FRMD6: variants seen among roughly 807,000 people sequenced by gnomAD.
FRMD6 encodes the protein FERM domain-containing protein 6.
In FRMD6, 37 loss-of-function variants were observed where a neutral mutation model predicts 73.2. The ratio of observed to expected loss-of-function variants is 0.51; its 90% confidence interval spans 0.39 to 0.66. The LOEUF (loss-of-function observed/expected upper bound fraction) is 0.66, where lower values mean the gene tolerates loss of function less well. FRMD6 is among the 30% of genes least tolerant of loss of function. The probability of loss-of-function intolerance (pLI) is 0.00; values close to 1 mark genes in which losing one functional copy is unlikely to be tolerated. For missense variants in FRMD6, 714 were observed against 780.5 expected (o/e 0.91, Z 1.02); for synonymous variants, 273 against 282.2 (o/e 0.97, Z 0.33).
intron 1 of FRMD6, among the ~76,000 whole-genome samples, chr14:51,496,825 T>A (rs770998061): frequency 7.2e-5 from 11 of 152,354 alleles, no homozygotes; most frequent in Non-Finnish European, 1.5e-4. Context: ...AGTCTCATCT[T>A]TATGTGTGTC....
chr14:51,597,009 AT>A (rs1889755194), intron 2 of FRMD6, among the ~76,000 whole-genome samples: 2 of 152,362 alleles, frequency 1.3e-5, no homozygotes, highest in South Asian at 4.1e-4. Flanking sequence ...TTTTATAAAT[AT>A]GCAATTTTAT....
At chr14:51,629,034 G>A (rs1007849000) in intron 2 of FRMD6, among the ~76,000 whole-genome samples, 8 of 151,514 alleles carry the variant, frequency 5.3e-5, no homozygotes, top group Admixed American at 1.3e-4. Context: ...CCGCCACCAC[G>A]CCCGGCTAAT....
At chr14:51,465,608 C>T in the FRMD6 span, among the ~76,000 whole-genome samples, 4 of 152,322 alleles carry the variant, frequency 2.6e-5, no homozygotes, top group African/African-American at 9.6e-5. Context: ...CATTGAGTAT[C>T]ATCCATGGTG....
In FRMD6 at chr14:51,646,707, G is replaced by A. The variant is rs75893062; in HGVS notation, c.-146-42984G>A. Among the ~76,000 whole-genome samples the A allele has an allele frequency of 4.9e-3, 733 of 150,710 alleles. 6 individuals carry two copies. The highest frequency in any genetic ancestry group is 0.017 in the African/African-American group (684 of 41,032). The stretch of plus-strand genomic sequence containing the variant: ...AATCCACCCTTTGTCCTGCCCTTCT[G>A]CTTGACATTTTTCTGTACTAGAGCT... On this transcript the variant is annotated intron_variant, in intron 2 of 14. Coordinates refer to the FRMD6 transcript ENST00000356218.
chr14:51,417,767 C>T, the FRMD6 span, among the ~76,000 whole-genome samples: 1 of 152,200 alleles, frequency 6.6e-6, no homozygotes, highest in African/African-American at 2.4e-5. Context: ...GTTCCATTCT[C>T]CCTGTCGCTT....
intron 1 of FRMD6, among the ~76,000 whole-genome samples, chr14:51,520,079 C>A (rs1884861051): frequency 6.6e-6 from 1 of 151,998 alleles, no homozygotes; most frequent in South Asian, 2.1e-4. Flanking sequence ...ATATATATGT[C>A]AAAAAATTTG....
intron 1 of FRMD6, among the ~76,000 whole-genome samples, chr14:51,680,443 C>T (rs987453384): frequency 3.3e-5 from 5 of 152,120 alleles, no homozygotes; most frequent in African/African-American, 4.8e-5. Context: ...ATTGTTTCTA[C>T]GCTATTAATT....
the FRMD6 span, among the ~76,000 whole-genome samples, chr14:51,479,573 C>T: frequency 4.2e-4 from 64 of 152,208 alleles, no homozygotes; most frequent in African/African-American, 1.5e-3. Flanking sequence ...TCTTCATCTG[C>T]AAAACAGGAA....
At position 51,698,171 on chromosome 14, in the gene FRMD6, C is replaced by T; in HGVS notation, c.129C>T (p.Val43=). ...AGATTCTGTGTCACCAGTTGCTGGTCCAGGTTTGTGACCTGCTCAGGCTAA... is the reference window on the plus strand; with the variant it reads ...AGATTCTGTGTCACCAGTTGCTGGTTCAGGTTTGTGACCTGCTCAGGCTAA... ...NVKILCHQLL[V]QVCDLLRLKD... Residue 43 remains valine, a synonymous_variant, in exon 3 of 14, where the codon GTC becomes GTT. Transcript: ENST00000344768. 1.2e-6 allele frequency: 2 copies of T among 1,612,414 alleles called. No individual in the cohort carries two copies. The highest frequency in any genetic ancestry group is 1.7e-6 in the Non-Finnish European group (2 of 1,178,890).
intron 2 of FRMD6, among the ~76,000 whole-genome samples, chr14:51,587,447 G>T (rs148672542): frequency 6.6e-6 from 1 of 152,330 alleles, no homozygotes; most frequent in African/African-American, 2.4e-5. Flanking sequence ...GGCCGCGGTG[G>T]CTGGTGCGAA....
upstream of FRMD6, among the ~76,000 whole-genome samples, chr14:51,485,105 A>G (rs1882737738): frequency 6.6e-6 from 1 of 152,220 alleles, no homozygotes; most frequent in Non-Finnish European, 1.5e-5. Flanking sequence ...ACCAAGCTCA[A>G]AAGTGTCTGT....
At chr14:51,673,550 T>C (rs1386016115) in intron 1 of FRMD6, among the ~76,000 whole-genome samples, 1 of 152,214 alleles carries the variant, frequency 6.6e-6, no homozygotes, top group African/African-American at 2.4e-5. Context: ...TTTCCTTCAG[T>C]GTCTAAAAAC....
the FRMD6 span, among the ~76,000 whole-genome samples, chr14:51,476,331 G>A: frequency 1.5e-4 from 23 of 152,312 alleles, no homozygotes; most frequent in East Asian, 5.8e-4. Flanking sequence ...AAACAGGACC[G>A]TAGATTGCCT....
At chr14:51,527,327 G>A (rs756530767) in intron 1 of FRMD6, among the ~76,000 whole-genome samples, 1 of 152,204 alleles carries the variant, frequency 6.6e-6, no homozygotes, top group Non-Finnish European at 1.5e-5. Flanking sequence ...ATATTCCTCA[G>A]GACAACATCC....
chr14:51,680,466 A>G (rs1894717782), intron 1 of FRMD6, among the ~76,000 whole-genome samples: 2 of 152,216 alleles, frequency 1.3e-5, no homozygotes, highest in Non-Finnish European at 2.9e-5. Flanking sequence ...GACTCTTGAA[A>G]GAGTATAAAC....
chr14:51,518,404 A>G (rs962462466), intron 1 of FRMD6, among the ~76,000 whole-genome samples: 6 of 152,180 alleles, frequency 3.9e-5, no homozygotes, highest in Non-Finnish European at 7.4e-5. Flanking sequence ...CAGCTAGTCC[A>G]CTTTGCTGAG....
chr14:51,472,187 A>G, the FRMD6 span, among the ~76,000 whole-genome samples: 29 of 152,304 alleles, frequency 1.9e-4, no homozygotes, highest in African/African-American at 6.5e-4. Flanking sequence ...ACCCAGCACA[A>G]TGAAGGTTAA....
At chr14:51,555,371 C>T (rs935529855) in intron 1 of FRMD6, among the ~76,000 whole-genome samples, 1 of 152,070 alleles carries the variant, frequency 6.6e-6, no homozygotes, top group Non-Finnish European at 1.5e-5. Context: ...CTACTGTGTC[C>T]CAGGAAATAT....
At chr14:51,567,142 A>G (rs1284103440) in intron 1 of FRMD6, among the ~76,000 whole-genome samples, 1 of 152,236 alleles carries the variant, frequency 6.6e-6, no homozygotes, top group Non-Finnish European at 1.5e-5. Context: ...GCCAGTTACC[A>G]TGCAGAAACG....
Sources: gnomAD v4.1 joint callset for allele counts (sites outside exome capture counted in the v4.1 genomes callset) on GRCh38, gnomAD v4.1.1 for gene constraint, MANE v1.5 for transcripts, NCBI Gene and HGNC (gene_info 2026-07-23, HGNC 2026-07-21) for gene names.